The following MBNL2 variants were observed in gnomAD, a reference collection of about 807,000 sequenced individuals.
MBNL2 encodes the protein muscleblind like splicing regulator 2.
A neutral mutation model predicts 41.9 loss-of-function variants in MBNL2; 17 were observed. The observed-to-expected ratio is 0.41, with a 90% CI of 0.28 to 0.61. MBNL2 has a LOEUF of 0.61. MBNL2 is among the 20% of genes least tolerant of loss of function. The pLI, the probability that MBNL2 is intolerant of heterozygous loss-of-function variation, is 0.35. For synonymous variants in MBNL2, 195 were observed against 182.9 expected (o/e 1.07, Z -0.53); for missense variants, 336 against 505.6 (o/e 0.66, Z 3.22).
chr13:97,172,444 C>A, the MBNL2 span: 1 of 152,098 alleles, frequency 6.6e-6, no homozygotes, highest in African/African-American at 2.4e-5. Context: ...GGAAGAGCAC[C>A]CATAAATCCA....
intron 3 of MBNL2, among the ~76,000 whole-genome samples, chr13:97,336,416 G>A (rs972606634): frequency 6.6e-6 from 1 of 152,152 alleles, no homozygotes; most frequent in South Asian, 2.1e-4. Context: ...GGAATCAGGG[G>A]CTTGACAGAT....
upstream of MBNL2, among the ~76,000 whole-genome samples, chr13:97,218,298 T>G (rs1953989679): frequency 6.6e-6 from 1 of 151,870 alleles, no homozygotes; most frequent in Non-Finnish European, 1.5e-5. Flanking sequence ...TAGTCCCAGC[T>G]ACTTGGGAGA....
chr13:97,200,188 C>T, the MBNL2 span, among the ~76,000 whole-genome samples: 2 of 152,222 alleles, frequency 1.3e-5, no homozygotes, highest in East Asian at 1.9e-4. Context: ...CAGAGCTGCA[C>T]GTACACCCAC....
the MBNL2 span, among the ~76,000 whole-genome samples, chr13:97,171,996 T>C: frequency 2.0e-5 from 3 of 152,344 alleles, no homozygotes; most frequent in African/African-American, 7.2e-5. Context: ...CGTGGAACTG[T>C]GAGTCCATTA....
At chr13:97,367,158 A>G (rs1373464678) in intron 8 of MBNL2, among the ~76,000 whole-genome samples, 7 of 152,242 alleles carry the variant, frequency 4.6e-5, no homozygotes, top group Admixed American at 4.6e-4. Context: ...AAGGCTGGAT[A>G]TAACTGATGA....
At chr13:97,297,450 C>T (rs2057170991) in intron 2 of MBNL2, among the ~76,000 whole-genome samples, 1 of 152,012 alleles carries the variant, frequency 6.6e-6, no homozygotes, top group Non-Finnish European at 1.5e-5. Flanking sequence ...TTGCGGAGGT[C>T]AGAAAAAACA....
the MBNL2 span, among the ~76,000 whole-genome samples, chr13:97,207,472 CA>C: frequency 3.9e-5 from 6 of 152,042 alleles, no homozygotes; most frequent in Non-Finnish European, 7.4e-5. Context: ...TGGCAGCTGG[CA>C]AGGATAGAAA....
Position 97,343,147 on chromosome 13 carries a change from C to A in MBNL2, c.471C>A (p.Pro157=). The part of the protein sequence containing the change: ...EILPTTPVIV[P]GSPPVTVPGS... ...TGCCCACCACGCCTGTTATTGTTCC[C>A]GGAAGTCCACCGGTCACTGTCCCGG... Residue 157 remains proline, a synonymous_variant, in exon 4 of 9, where the codon CCC becomes CCA. Transcript: ENST00000679496. 6.2e-7 allele frequency: 1 copy of A among 1,613,928 alleles called. No homozygotes were observed. The highest frequency in any genetic ancestry group is 8.5e-7 in the Non-Finnish European group (1 of 1,179,906).
Position 97,391,702 on chromosome 13 carries a change from C to T in MBNL2, c.*253C>T. The T allele has an allele frequency of 2.8e-6, 1 of 354,934 alleles. No individual in the cohort carries two copies. The highest frequency in any genetic ancestry group is 5.0e-5 in the Admixed American group (1 of 20,192). The allele number at this position is 354,934 out of a possible 1,614,324, so 22.0% of individuals were successfully genotyped here. ...ATGCAGAAAGTCCAGCCAGTTTACT[C>T]ATTTCGATTCAGAATATTTCAAATT... On this transcript the variant is annotated 3_prime_UTR_variant, in exon 9 of 9. Transcript: ENST00000679496.
intron 2 of MBNL2, among the ~76,000 whole-genome samples, chr13:97,286,082 T>C (rs1322368750): frequency 1.3e-5 from 2 of 152,254 alleles, no homozygotes; most frequent in Non-Finnish European, 2.9e-5. Flanking sequence ...TAAACATTTC[T>C]AGATGCTAAA....
chr13:97,203,940 A>AGACGGATGGATG, the MBNL2 span, among the ~76,000 whole-genome samples: 1 of 151,904 alleles, frequency 6.6e-6, no homozygotes, highest in African/African-American at 2.4e-5. Flanking sequence ...ATGGATGGAC[A>AGACGGATGGATG]GACGGATGGA....
chr13:97,339,174 AGTAT>A (rs1594232641), intron 3 of MBNL2, among the ~76,000 whole-genome samples: 1 of 756 alleles, frequency 1.3e-3, no homozygotes, highest in Non-Finnish European at 2.6e-3. Flanking sequence ...AATGTGTATG[AGTAT>A]GTATTGTGTA....
At chr13:97,253,869 T>G (rs527722747) in intron 1 of MBNL2, among the ~76,000 whole-genome samples, 2 of 150,484 alleles carry the variant, frequency 1.3e-5, no homozygotes, top group South Asian at 4.2e-4. Flanking sequence ...TGTGCTGAAT[T>G]TTTTTTTTTA....
At chr13:97,175,397 A>T in the MBNL2 span, among the ~76,000 whole-genome samples, 54 of 152,252 alleles carry the variant, frequency 3.5e-4, no homozygotes, top group African/African-American at 1.3e-3. Flanking sequence ...TGACCAAGTG[A>T]TCCTAACAGT....
rs1254197255 is a variant in MBNL2 at position 97,304,710 on chromosome 13, G to A, written c.174+28301G>A. ...AGAATTGTTATAAAAATCAAGTGAT[G>A]TGATGAAATGACAGAGCTTTGCAAA... On this transcript the variant is annotated intron_variant, in intron 2 of 8. Coordinates refer to ENST00000679496, the MANE Select transcript of MBNL2 (RefSeq NM_001382683.1). 2.0e-5 allele frequency among the ~76,000 whole-genome samples: 3 copies of A among 152,136 alleles called. No homozygotes were observed. In the East Asian group the frequency reaches 5.8e-4, roughly 29 times the overall value.
chr13:97,158,656 C>A, the MBNL2 span, among the ~76,000 whole-genome samples: 1 of 151,748 alleles, frequency 6.6e-6, no homozygotes, highest in South Asian at 2.1e-4. Flanking sequence ...GTTATGTACC[C>A]AGTAGTCATT....
At position 97,393,148 on chromosome 13, in the gene MBNL2, G is replaced by GT. The variant is rs1474349214; in HGVS notation, c.*1700dup. The GT allele has an allele frequency of 6.6e-6, 1 of 152,340 alleles. No individual in the cohort carries two copies. The highest frequency in any genetic ancestry group is 1.5e-5 in the Non-Finnish European group (1 of 67,896). 9.4% of individuals were successfully genotyped at this position (152,340 alleles called of 1,614,324 possible). ...TTGTTTTAATTTGTGGAAAAGTATT[G>GT]TATCTAACTTGTATTACTTTGGTAG... On this transcript the variant is annotated 3_prime_UTR_variant, in exon 9 of 9. Coordinates refer to ENST00000679496, the MANE Select transcript of MBNL2 (RefSeq NM_001382683.1).
chr13:97,273,494 G>T (rs774118586), intron 1 of MBNL2, among the ~76,000 whole-genome samples: 11 of 152,214 alleles, frequency 7.2e-5, no homozygotes, highest in Non-Finnish European at 1.5e-4. Context: ...AAACAGACAT[G>T]CAGGAGCCTG....
intron 2 of MBNL2, among the ~76,000 whole-genome samples, chr13:97,308,310 C>A (rs2058301710): frequency 6.6e-6 from 1 of 152,202 alleles, no homozygotes. Flanking sequence ...GAAGTCCTAC[C>A]AGCTGTCATG....
Sources: gnomAD v4.1 joint callset for allele counts (sites outside exome capture counted in the v4.1 genomes callset) on GRCh38, gnomAD v4.1.1 for gene constraint, MANE v1.5 for transcripts, NCBI Gene and HGNC (gene_info 2026-07-23, HGNC 2026-07-21) for gene names.